PDPR: variants seen among roughly 807,000 people sequenced by gnomAD.
PDPR encodes the protein pyruvate dehydrogenase phosphatase regulatory subunit, mitochondrial.
In PDPR, 50 loss-of-function variants were observed where a neutral mutation model predicts 102.2. That is an observed-to-expected ratio of 0.49 (90% confidence interval 0.39 to 0.62). PDPR has a LOEUF of 0.62. PDPR is among the 20% of genes least tolerant of loss of function. PDPR has a pLI of 0.00. For missense variants in PDPR, 625 were observed against 1,098.2 expected (o/e 0.57, Z 6.09); for synonymous variants, 259 against 406.0 (o/e 0.64, Z 4.35).
chr16:70,118,865 C>T (rs1336383368), intron 2 of PDPR, among the ~76,000 whole-genome samples: 1 of 152,158 alleles, frequency 6.6e-6, no homozygotes, highest in Non-Finnish European at 1.5e-5. Flanking sequence ...TCTGCCTGGA[C>T]ACAGTCTGTG....
chr16:70,133,435 GA>G (rs1964759352), intron 9 of PDPR, among the ~76,000 whole-genome samples: 1 of 8,326 alleles, frequency 1.2e-4, no homozygotes, highest in Admixed American at 1.2e-3. Context: ...TTTTTTTTTT[GA>G]GATAAGAGTC....
intron 17 of PDPR, among the ~76,000 whole-genome samples, chr16:70,150,485 C>T (rs980744959): frequency 1.3e-5 from 2 of 151,508 alleles, no homozygotes; most frequent in Non-Finnish European, 2.9e-5. Context: ...TGCTTGTTTT[C>T]TTCTTGATGT....
In PDPR at chr16:70,141,654, A is replaced by G. The variant is rs1262770030; in HGVS notation, c.1316-580A>G. On this transcript the variant is annotated intron_variant, in intron 11 of 18. Coordinates refer to ENST00000288050, the MANE Select transcript of PDPR (RefSeq NM_017990.5). ...CCCTGACCTTTCTGCCATCATTTCT[A>G]CCTACTAATGTGGAATGCTGAATGT... Among the ~76,000 whole-genome samples the G allele has an allele frequency of 3.3e-5, 5 of 152,382 alleles. No homozygotes were observed. In the East Asian group the frequency reaches 5.8e-4, roughly 18 times the overall value.
chr16:70,123,016 C>G (rs1963507994), intron 3 of PDPR, among the ~76,000 whole-genome samples: 1 of 152,024 alleles, frequency 6.6e-6, no homozygotes, highest in Admixed American at 6.6e-5. Context: ...TTCTCCTGCC[C>G]CAGGCTCCCA....
chr16:70,141,712 C>A (rs1965732572), intron 11 of PDPR, among the ~76,000 whole-genome samples: 1 of 152,290 alleles, frequency 6.6e-6, no homozygotes, highest in African/African-American at 2.4e-5. Flanking sequence ...TGACACGTAG[C>A]TCCAGGGAGG....
chr16:70,142,353 T>C lies in PDPR; in HGVS notation c.1435T>C (p.Phe479Leu). ...AGCCAGGTGGATGGAGAAACATGGA[T>C]TTGAGAGGCCAAAGTACTTTGTTCC... ...QGARWMEKHG[F>L]ERPKYFVPPD... The change falls in exon 12 of 19, where the codon TTT becomes CTT. Residue 479 changes from phenylalanine (F) to leucine (L), a missense_variant. This residue lies in a region of PDPR where 34 missense variants were observed against 76.6 expected (regional missense o/e 0.44). Transcript: ENST00000288050. 1 of 1,613,968 alleles carries C rather than the reference T, an allele frequency of 6.2e-7. No individual in the cohort carries two copies. Among genetic ancestry groups the C allele is most frequent in the Non-Finnish European group, 8.5e-7 (1 of 1,179,908 alleles).
At chr16:70,130,904 A>AT (rs1371230681) in intron 7 of PDPR, among the ~76,000 whole-genome samples, 3 of 152,292 alleles carry the variant, frequency 2.0e-5, no homozygotes, top group African/African-American at 2.4e-5. Flanking sequence ...TTTCCAGGAC[A>AT]CTGCTTCTTT....
intron 2 of PDPR, among the ~76,000 whole-genome samples, chr16:70,116,346 G>C (rs1962632923): frequency 2.2e-5 from 3 of 136,252 alleles, no homozygotes; most frequent in Non-Finnish European, 4.8e-5. Context: ...CAAAGTGCTA[G>C]GATTACAGGT....
chr16:70,145,300 G>A (rs1966142686), intron 15 of PDPR, among the ~76,000 whole-genome samples: 1 of 152,160 alleles, frequency 6.6e-6, no homozygotes, highest in Admixed American at 6.5e-5. Flanking sequence ...ACCACGCCGG[G>A]CTAATTTCTG....
intron 17 of PDPR, among the ~76,000 whole-genome samples, chr16:70,150,335 C>T (rs1966627131): frequency 6.6e-6 from 1 of 150,448 alleles, no homozygotes; most frequent in African/African-American, 2.5e-5. Context: ...AACTCCTGAC[C>T]TTAGGTGATC....
chr16:70,123,653 AG>A (rs2152066953), intron 3 of PDPR, among the ~76,000 whole-genome samples: 1 of 152,394 alleles, frequency 6.6e-6, no homozygotes, highest in South Asian at 2.1e-4. Context: ...AATGTTTCTA[AG>A]TGGGAGACCC....
chr16:70,145,546 C>T (rs1438575831), intron 15 of PDPR, among the ~76,000 whole-genome samples: 2 of 152,238 alleles, frequency 1.3e-5, no homozygotes, highest in Non-Finnish European at 1.5e-5. Flanking sequence ...GCCCCTTGGC[C>T]CCACCAGCGT....
At position 70,157,077 on chromosome 16, in the gene PDPR, C is replaced by T; in HGVS notation, c.*198C>T. 1 of 780,760 alleles carries T rather than the reference C, an allele frequency of 1.3e-6. No individual in the cohort carries two copies. The allele number at this position is 780,760 out of a possible 1,614,324, so 48.4% of individuals were successfully genotyped here. A position where few individuals can be genotyped will look rare whatever the true frequency, so the allele number is the denominator to read the frequency against. On this transcript the variant is annotated 3_prime_UTR_variant, in exon 19 of 19. Coordinates refer to ENST00000288050, the MANE Select transcript of PDPR (RefSeq NM_017990.5). ...CTTCCTTGCCCTTCCACCTCCTCCT[C>T]CTAATATTCACTCTGGGCTCTTCTT... is the stretch of plus-strand genomic sequence containing the variant.
intron 17 of PDPR, among the ~76,000 whole-genome samples, chr16:70,152,013 T>G (rs1966774477): frequency 6.6e-6 from 1 of 152,404 alleles, no homozygotes; most frequent in Non-Finnish European, 1.5e-5. Context: ...GGTTACATCG[T>G]TCTTCCTTGG....
chr16:70,127,351 A>G lies in PDPR; in HGVS notation c.319A>G (p.Lys107Glu), dbSNP rs768966903. 2 of 1,608,762 alleles carry G rather than the reference A, an allele frequency of 1.2e-6. No homozygotes were observed. Among genetic ancestry groups the G allele is most frequent in the South Asian group, 2.2e-5 (2 of 90,670 alleles). ...IEQKMADYSN[K>E]LYYQLEQETG... ...GCAGAAGATGGCAGACTACTCAAAC[A>G]AACTCTACTATCAGTTAGAGCAAGA... The change falls in exon 4 of 19, where the codon AAA becomes GAA. Residue 107 changes from lysine to glutamate, a missense_variant. This residue lies in a region of PDPR where 24 missense variants were observed against 61.7 expected (regional missense o/e 0.39). Transcript: ENST00000288050.
chr16:70,137,213 G>T (rs191252140), intron 10 of PDPR, among the ~76,000 whole-genome samples: 10 of 152,314 alleles, frequency 6.6e-5, no homozygotes, highest in African/African-American at 2.4e-4. Context: ...AAAATTAGCC[G>T]GGCGTTGTGG....
chr16:70,115,130 T>C lies in PDPR; in HGVS notation c.-33+200T>C, dbSNP rs1597277546. Among the ~76,000 whole-genome samples the C allele has an allele frequency of 3.3e-5, 5 of 152,182 alleles. No individual in the cohort carries two copies. The East Asian group carries it at 5.8e-4, about 18-fold the overall frequency. ...TGTGTTAATTTCTTTTTTCTTTTTT[T>C]TTCTTTTTTCCGAGACAGAGTTTCA... On this transcript the variant is annotated intron_variant, in intron 2 of 18. Transcript: ENST00000288050.
rs546015311 is a variant in PDPR at position 70,157,812 on chromosome 16, G to A, written c.*933G>A. The A allele has an allele frequency of 0.025, 3,755 of 152,338 alleles. No individual in the cohort carries two copies. The highest frequency in any genetic ancestry group is 0.034 in the Middle Eastern group (10 of 294). 9.4% of individuals were successfully genotyped at this position (152,338 alleles called of 1,614,324 possible). On this transcript the variant is annotated 3_prime_UTR_variant, in exon 19 of 19. Transcript: ENST00000288050. ...TTCCTCCTTCCCCTTCTCCCAGTGC[G>A]TTTGACTTTGTCAGGTCAGCCTCAC... is the stretch of plus-strand genomic sequence containing the variant.
intron 8 of PDPR, chr16:70,131,709 G>C (rs1289810526): frequency 7.1e-6 from 7 of 985,306 alleles, no homozygotes; most frequent in South Asian, 9.4e-5. Flanking sequence ...TTTTTAACTT[G>C]AATGCTATGG....
Sources: allele counts gnomAD v4.1 joint callset (sites outside exome capture counted in the v4.1 genomes callset), GRCh38; gene constraint gnomAD v4.1.1; regional missense constraint gnomAD v4.1.1; transcripts MANE v1.5; gene names NCBI Gene and HGNC (gene_info 2026-07-23, HGNC 2026-07-21).